The following ZNF679 variants were observed in gnomAD, a reference collection of about 807,000 sequenced individuals.
ZNF679 encodes zinc finger protein 679.
Under a neutral mutation model 13.4 loss-of-function variants are expected in ZNF679, and 10 were observed. That is an observed-to-expected ratio of 0.75 (90% CI 0.46 to 1.27). The LOEUF (loss-of-function observed/expected upper bound fraction) is 1.27, where lower values mean the gene tolerates loss of function less well. Ranked by LOEUF, ZNF679 falls within the 50% of genes most tolerant of loss-of-function variation. The pLI, the probability that ZNF679 is intolerant of heterozygous loss-of-function variation, is 0.00. For synonymous variants in ZNF679, 179 were observed against 162.5 expected (o/e 1.10, Z -0.77); for missense variants, 525 against 477.8 (o/e 1.10, Z -0.92).
intron 1 of ZNF679, among the ~76,000 whole-genome samples, chr7:64,239,182 G>T (rs1278056669): frequency 6.6e-6 from 1 of 152,172 alleles, no homozygotes; most frequent in Non-Finnish European, 1.5e-5. Context: ...GCAGTTAAGA[G>T]TTGTAATTGT....
intron 1 of ZNF679, among the ~76,000 whole-genome samples, chr7:64,228,904 G>C (rs1405811930): frequency 1.3e-5 from 2 of 152,198 alleles, no homozygotes; most frequent in Non-Finnish European, 2.9e-5. Context: ...ATATGGGAGA[G>C]TGACCATCCT....
chr7:64,246,666 T>C (rs1346719672), intron 1 of ZNF679, among the ~76,000 whole-genome samples: 1 of 151,694 alleles, frequency 6.6e-6, no homozygotes, highest in Non-Finnish European at 1.5e-5. Context: ...GAGGTTGCAG[T>C]GAGCCGAGAT....
intron 1 of ZNF679, among the ~76,000 whole-genome samples, chr7:64,237,441 A>G (rs1226952402): frequency 6.6e-6 from 1 of 152,170 alleles, no homozygotes; most frequent in Admixed American, 6.5e-5. Context: ...GTTCCCCCTG[A>G]ACCCGGATGA....
chr7:64,247,438 T>C (rs1440219897), intron 1 of ZNF679, among the ~76,000 whole-genome samples: 1 of 152,240 alleles, frequency 6.6e-6, no homozygotes, highest in Non-Finnish European at 1.5e-5. Flanking sequence ...TACATTAAAA[T>C]ATTTAGCTTT....
intron 1 of ZNF679, among the ~76,000 whole-genome samples, chr7:64,232,975 T>C (rs1787660788): frequency 6.6e-6 from 1 of 152,206 alleles, no homozygotes; most frequent in South Asian, 2.1e-4. Context: ...GTGTGCTGGT[T>C]CACCCCTGTA....
rs1218746740 is a variant in ZNF679, at chr7:64,266,670, A to G, written c.1037A>G (p.His346Arg). ...ACCCTTAAGAAACATAAGATAATTC[A>G]TACTGGAGAGAAACCCTACAAATGT... is the stretch of plus-strand genomic sequence containing the variant. ...SSTLKKHKII[H>R]TGEKPYKCKE... The change falls in exon 5 of 5, where the codon CAT becomes CGT. Residue 346 changes from histidine to arginine, a missense_variant. Physicochemically the swap from His to Arg is conservative, Grantham distance 29. Transcript: ENST00000421025. The G allele has an allele frequency of 2.5e-6, 4 of 1,613,778 alleles. No individual in the cohort carries two copies. Among genetic ancestry groups the G allele is most frequent in the East Asian group, 2.2e-5 (1 of 44,790 alleles).
At chr7:64,242,031 T>G (rs1787805593) in intron 1 of ZNF679, among the ~76,000 whole-genome samples, 1 of 152,204 alleles carries the variant, frequency 6.6e-6, no homozygotes, top group Non-Finnish European at 1.5e-5. Flanking sequence ...AATCACAACC[T>G]CAACAGTGCA....
chr7:64,228,931 T>C (rs1014023451), intron 1 of ZNF679, among the ~76,000 whole-genome samples: 11 of 152,220 alleles, frequency 7.2e-5, no homozygotes, highest in African/African-American at 2.2e-4. Flanking sequence ...TGGCTAGGTA[T>C]GCATAGGAGA....
At chr7:64,236,175 G>T (rs1270790722) in intron 1 of ZNF679, among the ~76,000 whole-genome samples, 2 of 152,016 alleles carry the variant, frequency 1.3e-5, no homozygotes, top group African/African-American at 4.8e-5. Flanking sequence ...TGAGGCAGGA[G>T]AATTGCTTGA....
In ZNF679 at chr7:64,260,270, G is replaced by T; in HGVS notation, c.89G>T (p.Trp30Leu). ...GTCATAGAATTCTCTCTGGAGGAGT[G>T]GCAATGCCTGGATCACGCTCAGCAG... ...DVVIEFSLEE[W>L]QCLDHAQQNL... is the part of the protein sequence containing the mutation. The change falls in exon 3 of 5, where the codon TGG becomes TTG. Residue 30 changes from tryptophan (W) to leucine (L), a missense_variant. Physicochemically the swap from Trp to Leu is moderately conservative, Grantham distance 61. Transcript: ENST00000421025. 6.2e-7 allele frequency: 1 copy of T among 1,612,206 alleles called. No homozygotes were observed. Among genetic ancestry groups the T allele is most frequent in the Non-Finnish European group, 8.5e-7 (1 of 1,179,474 alleles).
At chr7:64,247,481 C>T (rs757028508) in intron 1 of ZNF679, among the ~76,000 whole-genome samples, 1 of 152,214 alleles carries the variant, frequency 6.6e-6, no homozygotes, top group South Asian at 2.1e-4. Context: ...CCCTTACATA[C>T]TAATCACATA....
Position 64,235,774 on chromosome 7 carries a change from A to C in ZNF679, c.-91+7122A>C, listed in dbSNP as rs1787701195. On this transcript the variant is annotated intron_variant, in intron 1 of 4. Coordinates refer to ENST00000421025, the MANE Select transcript of ZNF679 (RefSeq NM_153363.3). ...ACTGCACTCCAGCCTGGGCGACAAG[A>C]GCGAAACCCCGTCAAGAAAGAAAGA... is the stretch of plus-strand genomic sequence containing the variant. Among the ~76,000 whole-genome samples, 3 of 149,510 alleles carry C rather than the reference A, an allele frequency of 2.0e-5. No individual in the cohort carries two copies. The Admixed American group carries it at 2.0e-4, about 10-fold the overall frequency.
intron 2 of ZNF679, among the ~76,000 whole-genome samples, chr7:64,254,297 A>G (rs574776376): frequency 3.8e-4 from 57 of 151,932 alleles, no homozygotes; most frequent in African/African-American, 1.3e-3. Context: ...TTGTATTTTT[A>G]GTAGAGATGG....
chr7:64,241,913 C>T (rs1787803880), intron 1 of ZNF679, among the ~76,000 whole-genome samples: 1 of 152,204 alleles, frequency 6.6e-6, no homozygotes, highest in Non-Finnish European at 1.5e-5. Context: ...ATGTAATTGT[C>T]ACAATCACAC....
chr7:64,232,314 C>A (rs1388963279), intron 1 of ZNF679, among the ~76,000 whole-genome samples: 1 of 152,214 alleles, frequency 6.6e-6, no homozygotes, highest in Non-Finnish European at 1.5e-5. Context: ...CTTTGTACCA[C>A]CCAAGGTCTT....
intron 1 of ZNF679, among the ~76,000 whole-genome samples, chr7:64,236,967 A>AAGAAAGAAAGAAAG (rs1787731067): frequency 4.2e-5 from 1 of 23,996 alleles, no homozygotes; most frequent in Non-Finnish European, 1.0e-4. Context: ...GAAAGAAAGA[A>AAGAAAGAAAGAAAG]AGAAAGAAAA....
At chr7:64,265,780 G>C in intron 4 of ZNF679, 116 bp from the exon 5 acceptor site, 1 of 1,159,214 alleles carries the variant, frequency 8.6e-7, no homozygotes. Flanking sequence ...ATGGCCTGTG[G>C]TAATTTGATA....
chr7:64,246,161 G>A (rs1040318994), intron 1 of ZNF679, among the ~76,000 whole-genome samples: 1 of 152,138 alleles, frequency 6.6e-6, no homozygotes, highest in Non-Finnish European at 1.5e-5. Context: ...CACGAGTTTC[G>A]TCAAGTGTTC....
At chr7:64,231,388 C>A (rs1029051653) in intron 1 of ZNF679, among the ~76,000 whole-genome samples, 16 of 152,162 alleles carry the variant, frequency 1.1e-4, no homozygotes, top group African/African-American at 2.7e-4. Context: ...AGGAGAGTTA[C>A]ATCAACTGGG....
Sources: gnomAD v4.1 joint callset for allele counts (sites outside exome capture counted in the v4.1 genomes callset) on GRCh38, gnomAD v4.1.1 for gene constraint, MANE v1.5 for transcripts, NCBI Gene and HGNC (gene_info 2026-07-23, HGNC 2026-07-21) for gene names.